The following PEX14 variants were observed in gnomAD, a reference collection of about 807,000 sequenced individuals.
The protein encoded by PEX14 is peroxisomal membrane protein PEX14.
In PEX14, 15 loss-of-function variants were observed where a neutral mutation model predicts 49.5. That is an observed-to-expected ratio of 0.30 (90% CI 0.20 to 0.47). The LOEUF (loss-of-function observed/expected upper bound fraction) is 0.47. Among genes scored for constraint, PEX14 ranks in the 20% least tolerant of loss-of-function variants. The probability of loss-of-function intolerance (pLI) is 1.00; values close to 1 mark genes in which losing one functional copy is unlikely to be tolerated. For missense variants in PEX14, 398 were observed against 494.8 expected (o/e 0.80, Z 1.86); for synonymous variants, 210 against 212.7 (o/e 0.99, Z 0.11).
chr1:10,578,241 G>C (rs1393624027), intron 3 of PEX14, among the ~76,000 whole-genome samples: 5 of 152,164 alleles, frequency 3.3e-5, no homozygotes, highest in Admixed American at 1.3e-4. Context: ...TTCAGTAGCT[G>C]CCTGCTGTGG....
At chr1:10,624,088 G>T (rs1641673673) in intron 6 of PEX14, among the ~76,000 whole-genome samples, 1 of 152,172 alleles carries the variant, frequency 6.6e-6, no homozygotes, top group Non-Finnish European at 1.5e-5. Flanking sequence ...GAGGGGAGAG[G>T]TTCTGGACGG....
intron 1 of PEX14, among the ~76,000 whole-genome samples, chr1:10,477,645 G>A (rs1441141124): frequency 6.6e-6 from 1 of 152,144 alleles, no homozygotes; most frequent in African/African-American, 2.4e-5. Context: ...ATCAATCTCT[G>A]GTTTCCAGCT....
At chr1:10,540,537 C>T (rs756067381) in intron 3 of PEX14, among the ~76,000 whole-genome samples, 3 of 138,564 alleles carry the variant, frequency 2.2e-5, no homozygotes, top group Non-Finnish European at 5.0e-5. Flanking sequence ...ATCGACTGGA[C>T]AGCTCCCAGC....
intron 3 of PEX14, among the ~76,000 whole-genome samples, chr1:10,564,513 GCCATCCTCCTA>G (rs1165045968): frequency 2.0e-5 from 3 of 151,080 alleles, no homozygotes; most frequent in Non-Finnish European, 2.9e-5. Context: ...CAAGGCTCAA[GCCATCCTCCTA>G]CCTTAGTCTC....
chr1:10,560,644 C>T (rs9659854), intron 3 of PEX14, among the ~76,000 whole-genome samples: 149,577 of 151,500 alleles, frequency 0.99, 73,867 homozygotes, highest in East Asian at 1. Context: ...GTGTTGGGAT[C>T]ACAGACATGA....
chr1:10,599,433 G>A, intron 4 of PEX14, 67 bp downstream of exon 4: 1 of 1,565,840 alleles, frequency 6.4e-7, no homozygotes, highest in Non-Finnish European at 8.8e-7. Flanking sequence ...AAAGGGCAGT[G>A]TTCTGTATCT....
In PEX14 at chr1:10,579,700, G is replaced by A. The variant is rs557924878; in HGVS notation, c.170-19538G>A. Reference sequence around the variant, plus strand: ...TTTAGACTATAGAGGTTAACTTCCCGATGTTGCCATGGCGTCTGTAAACTG... The same window carrying A: ...TTTAGACTATAGAGGTTAACTTCCCAATGTTGCCATGGCGTCTGTAAACTG... On this transcript the variant is annotated intron_variant, in intron 3 of 8. Coordinates refer to ENST00000356607, the MANE Select transcript of PEX14 (RefSeq NM_004565.3). Among the ~76,000 whole-genome samples the A allele has an allele frequency of 1.9e-3, 292 of 152,218 alleles. 4 individuals carry two copies. Among genetic ancestry groups the A allele is most frequent in the Admixed American group, 0.018 (269 of 15,290 alleles).
Position 10,529,605 on chromosome 1 carries a change from G to T in PEX14, c.85-6608G>T, listed in dbSNP as rs546955320. The stretch of plus-strand genomic sequence containing the variant: ...ATAAATGGCAGAGATATTTCACTTT[G>T]AAAGGTAGTTTTTGTGCATGTGAAG... On this transcript the variant is annotated intron_variant, in intron 2 of 8. Coordinates refer to ENST00000356607, the MANE Select transcript of PEX14 (RefSeq NM_004565.3). This position sits in a 1 kb window ranked among gnomAD's most constrained non-coding sequence, Gnocchi z 4.2. Among the ~76,000 whole-genome samples the T allele has an allele frequency of 2.6e-5, 4 of 152,318 alleles. No homozygotes were observed. In the East Asian group the frequency reaches 7.7e-4, roughly 29 times the overall value.
At chr1:10,477,882 G>GT (rs1553181225) in intron 1 of PEX14, among the ~76,000 whole-genome samples, 3 of 152,008 alleles carry the variant, frequency 2.0e-5, no homozygotes, top group Non-Finnish European at 4.4e-5. Context: ...GACTAAATGA[G>GT]TTATTTATTT....
At chr1:10,574,449 C>T (rs1422949305) in intron 3 of PEX14, among the ~76,000 whole-genome samples, 1 of 152,172 alleles carries the variant, frequency 6.6e-6, no homozygotes, top group Non-Finnish European at 1.5e-5. Context: ...ACAAATTCTT[C>T]AAGCTTTGTG....
At chr1:10,564,724 A>G (rs1344181545) in intron 3 of PEX14, among the ~76,000 whole-genome samples, 2 of 150,464 alleles carry the variant, frequency 1.3e-5, no homozygotes, top group Non-Finnish European at 2.9e-5. Context: ...ATGGGCCACT[A>G]TGCCTAACCT....
At position 10,591,324 on chromosome 1, in the gene PEX14, T is replaced by C. The variant is rs532272275; in HGVS notation, c.170-7914T>C. 2.3e-4 allele frequency among the ~76,000 whole-genome samples: 35 copies of C among 152,174 alleles called. No individual in the cohort carries two copies. The East Asian group carries it at 2.3e-3, about 10-fold the overall frequency. On this transcript the variant is annotated intron_variant, in intron 3 of 8. Transcript: ENST00000356607. ...GGGTTAAGCAAGAAGTTAGAAATTGTGGGTGTCTTTCTGTTATAATCCTAG... is the reference window on the plus strand; with the variant it reads ...GGGTTAAGCAAGAAGTTAGAAATTGCGGGTGTCTTTCTGTTATAATCCTAG...
intron 4 of PEX14, among the ~76,000 whole-genome samples, chr1:10,602,615 C>G (rs1017646959): frequency 1.3e-5 from 2 of 152,130 alleles, no homozygotes; most frequent in East Asian, 3.8e-4. Context: ...CAAAATGAAC[C>G]CCAGTAAAAA....
At chr1:10,627,214 C>T in intron 7 of PEX14, 58 bp from the exon 8 acceptor site, 1 of 1,187,778 alleles carries the variant, frequency 8.4e-7, no homozygotes, top group Non-Finnish European at 1.3e-6. Flanking sequence ...CCTGCAGCCG[C>T]AGGCCCCGCC....
chr1:10,477,134 G>A (rs1316980739), intron 1 of PEX14, among the ~76,000 whole-genome samples: 4 of 151,340 alleles, frequency 2.6e-5, no homozygotes, highest in African/African-American at 9.7e-5. Flanking sequence ...GCAGTGGCGC[G>A]ATCTCTGCTC....
chr1:10,509,100 C>G (rs545196427), intron 2 of PEX14, among the ~76,000 whole-genome samples: 40 of 152,308 alleles, frequency 2.6e-4, no homozygotes, highest in African/African-American at 9.4e-4. Context: ...CCACGTCCGG[C>G]TAATTTTTTT....
At chr1:10,483,421 A>T (rs1378983539) in intron 1 of PEX14, among the ~76,000 whole-genome samples, 1 of 151,942 alleles carries the variant, frequency 6.6e-6, no homozygotes, top group Non-Finnish European at 1.5e-5. Context: ...GGTTCAAGCG[A>T]TTCTCCCCCC....
intron 4 of PEX14, 57 bp from the exon 5 acceptor site, chr1:10,618,275 C>T (rs1439169487): frequency 4.5e-5 from 62 of 1,391,970 alleles, no homozygotes; most frequent in African/African-American, 5.7e-5. Context: ...TGCCAGCCCC[C>T]ACCCGAAGAA....
intron 1 of PEX14, among the ~76,000 whole-genome samples, chr1:10,485,108 G>T (rs1301757056): frequency 6.6e-6 from 1 of 151,554 alleles, no homozygotes; most frequent in African/African-American, 2.4e-5. Context: ...TTCTCATTCT[G>T]GGCTACTGTG....
Sources: allele counts gnomAD v4.1 joint callset (sites outside exome capture counted in the v4.1 genomes callset), GRCh38; gene constraint gnomAD v4.1.1; non-coding constraint Gnocchi (gnomAD v3.1); transcripts MANE v1.5; gene names NCBI Gene and HGNC (gene_info 2026-07-23, HGNC 2026-07-21).